The following IDE variants were observed in gnomAD, a reference collection of about 807,000 sequenced individuals.
IDE encodes the protein insulin degrading enzyme, also known as insulin-degrading enzyme.
Under a neutral mutation model 133.2 loss-of-function variants are expected in IDE, and 58 were observed. The observed-to-expected ratio is 0.44, with a 90% CI of 0.35 to 0.54. IDE has a LOEUF of 0.54. IDE is among the 20% of genes least tolerant of loss of function. IDE has a pLI of 0.00. For synonymous variants in IDE, 396 were observed against 421.3 expected (o/e 0.94, Z 0.73); for missense variants, 981 against 1,234.0 (o/e 0.79, Z 3.07).
intron 1 of IDE, among the ~76,000 whole-genome samples, chr10:92,551,165 T>C (rs1358073239): frequency 6.6e-6 from 1 of 152,244 alleles, no homozygotes; most frequent in African/African-American, 2.4e-5. Context: ...CAGTGTCCAC[T>C]GATGGATGAA....
chr10:92,518,449 T>G (rs1849043455), intron 4 of IDE, among the ~76,000 whole-genome samples: 1 of 152,210 alleles, frequency 6.6e-6, no homozygotes, highest in Admixed American at 6.5e-5. Flanking sequence ...ACACCAACTG[T>G]TGTTTAGTAT....
At chr10:92,478,172 T>C (rs1156680726) in intron 15 of IDE, among the ~76,000 whole-genome samples, 1 of 152,204 alleles carries the variant, frequency 6.6e-6, no homozygotes, top group African/African-American at 2.4e-5. Context: ...ATGCTTATTT[T>C]AAAACACACA....
chr10:92,550,980 A>G (rs1278965699), intron 1 of IDE, among the ~76,000 whole-genome samples: 1 of 152,252 alleles, frequency 6.6e-6, no homozygotes, highest in Non-Finnish European at 1.5e-5. Flanking sequence ...GTACAGCAGT[A>G]TGGAAAACTG....
At chr10:92,569,889 C>T (rs896203794) in intron 1 of IDE, among the ~76,000 whole-genome samples, 5 of 152,102 alleles carry the variant, frequency 3.3e-5, no homozygotes, top group African/African-American at 1.2e-4. Flanking sequence ...GTGGGCAGAT[C>T]ACCTGAAGTC....
At chr10:92,535,852 A>G (rs779725176) in intron 2 of IDE, among the ~76,000 whole-genome samples, 14 of 151,762 alleles carry the variant, frequency 9.2e-5, no homozygotes, top group Non-Finnish European at 1.5e-5. Flanking sequence ...CCTGGCCTAC[A>G]TGGCAAAACC....
intron 11 of IDE, among the ~76,000 whole-genome samples, chr10:92,499,935 A>G (rs1450048598): frequency 6.6e-6 from 1 of 152,228 alleles, no homozygotes; most frequent in Non-Finnish European, 1.5e-5. Context: ...ATACGCAGCT[A>G]GTAGAACAGC....
chr10:92,496,988 C>T (rs1477566546), intron 11 of IDE, among the ~76,000 whole-genome samples: 1 of 152,124 alleles, frequency 6.6e-6, no homozygotes, highest in Non-Finnish European at 1.5e-5. Flanking sequence ...AGGAGTGAAG[C>T]CTGAACACCA....
intron 1 of IDE, among the ~76,000 whole-genome samples, chr10:92,541,618 A>G (rs1043439409): frequency 6.6e-6 from 1 of 152,232 alleles, no homozygotes; most frequent in Non-Finnish European, 1.5e-5. Context: ...TGGAAACTTC[A>G]TAAGGCACAG....
chr10:92,561,844 T>A (rs1054739324), intron 1 of IDE, among the ~76,000 whole-genome samples: 1 of 152,032 alleles, frequency 6.6e-6, no homozygotes, highest in South Asian at 2.1e-4. Context: ...GATTACACAA[T>A]CATTTCTGTA....
At chr10:92,532,961 C>T (rs541162260) in intron 3 of IDE, among the ~76,000 whole-genome samples, 1 of 152,190 alleles carries the variant, frequency 6.6e-6, no homozygotes, top group African/African-American at 2.4e-5. Flanking sequence ...TTTACATATA[C>T]CACAAGGGGA....
intron 4 of IDE, among the ~76,000 whole-genome samples, chr10:92,524,832 G>A (rs1564648927): frequency 6.6e-6 from 1 of 151,840 alleles, no homozygotes; most frequent in Non-Finnish European, 1.5e-5. Flanking sequence ...TGAGGCAGGA[G>A]AATTGCTTGA....
chr10:92,457,181 A>C (rs1381647406), intron 22 of IDE, among the ~76,000 whole-genome samples: 1 of 152,162 alleles, frequency 6.6e-6, no homozygotes, highest in Non-Finnish European at 1.5e-5. Flanking sequence ...CTACAGAGAC[A>C]ATGGTCTGAG....
rs76798298 is a variant in IDE at position 92,519,188 on chromosome 10, G to A, written c.662-4146C>T. ...ATTATACAAAAAGATGTACTCCCCA[G>A]AGAAAAAAATAGAAATTGTGGCTAG... On this transcript the variant is annotated intron_variant, in intron 4 of 24. Transcript: ENST00000265986. 5.2e-3 allele frequency among the ~76,000 whole-genome samples: 787 copies of A among 152,232 alleles called. 9 individuals carry two copies. The highest frequency in any genetic ancestry group is 0.018 in the African/African-American group (746 of 41,538).
chr10:92,556,066 G>C (rs940618202), intron 1 of IDE, among the ~76,000 whole-genome samples: 1 of 151,204 alleles, frequency 6.6e-6, no homozygotes, highest in African/African-American at 2.4e-5. Flanking sequence ...CCAGCTACTC[G>C]GGAGGCTGAG....
intron 13 of IDE, among the ~76,000 whole-genome samples, chr10:92,484,814 T>G (rs1267734405): frequency 6.6e-6 from 1 of 151,704 alleles, no homozygotes; most frequent in East Asian, 1.9e-4. Flanking sequence ...TCCCAGAAAT[T>G]TGGAAGGCTG....
intron 22 of IDE, among the ~76,000 whole-genome samples, chr10:92,457,759 C>A (rs1441172897): frequency 6.6e-6 from 1 of 152,084 alleles, no homozygotes. Context: ...AGTAACTGGG[C>A]AGTTACTAAT....
chr10:92,498,791 G>A (rs1252007339), intron 11 of IDE, among the ~76,000 whole-genome samples: 1 of 151,966 alleles, frequency 6.6e-6, no homozygotes, highest in African/African-American at 2.4e-5. Context: ...CAGGCATGGT[G>A]GCGGGTGCAT....
chr10:92,474,933 GC>G lies in IDE; in HGVS notation c.2023del (p.Ala675LeufsTer15). The G allele has an allele frequency of 6.2e-7, 1 of 1,612,848 alleles. No individual in the cohort carries two copies. The highest frequency in any genetic ancestry group is 1.3e-5 in the African/African-American group (1 of 74,978). On this transcript the variant is annotated frameshift_variant, in exon 17 of 25. Coordinates refer to ENST00000265986, the MANE Select transcript of IDE (RefSeq NM_004969.4). LOFTEE classifies it high-confidence loss of function. ...AYMRSLNNFR[A>X]EQPHQHAMYY... ...CATGGCATGCTGGTGAGGCTGTTCA[GC>G]CCGGAAATTGTTAAGAGATCGCATA...
intron 23 of IDE, 129 bp from the exon 24 acceptor site, chr10:92,455,772 T>A (rs1308292867): frequency 1.6e-6 from 1 of 608,786 alleles, no homozygotes; most frequent in Non-Finnish European, 2.9e-6. Flanking sequence ...ACTTCTCAGA[T>A]CCTCTAAAGG....
Sources: allele counts gnomAD v4.1 joint callset (sites outside exome capture counted in the v4.1 genomes callset), GRCh38; gene constraint gnomAD v4.1.1; transcripts MANE v1.5; gene names NCBI Gene and HGNC (gene_info 2026-07-23, HGNC 2026-07-21).